The following MYO1D variants were observed in gnomAD, a reference collection of about 807,000 sequenced individuals.
MYO1D encodes myosin ID, also known as unconventional myosin-Id.
Under a neutral mutation model 122.0 loss-of-function variants are expected in MYO1D, and 83 were observed. The ratio of observed to expected loss-of-function variants is 0.68; its 90% confidence interval spans 0.57 to 0.82. The LOEUF (loss-of-function observed/expected upper bound fraction) is 0.82. Among genes scored for constraint, MYO1D ranks in the 40% least tolerant of loss-of-function variants. The pLI is 0.00. For missense variants in MYO1D, 1,157 were observed against 1,269.5 expected (o/e 0.91, Z 1.35); for synonymous variants, 464 against 446.9 (o/e 1.04, Z -0.48).
At chr17:32,799,989 G>GTA (rs1162992330) in intron 1 of MYO1D, among the ~76,000 whole-genome samples, 12 of 151,968 alleles carry the variant, frequency 7.9e-5, no homozygotes, top group African/African-American at 2.7e-4. Flanking sequence ...CCAAAATGAG[G>GTA]TATCACCTCA....
intron 1 of MYO1D, among the ~76,000 whole-genome samples, chr17:32,814,415 T>C (rs2090597234): frequency 6.6e-6 from 1 of 152,226 alleles, no homozygotes; most frequent in African/African-American, 2.4e-5. Context: ...TTTTTCCTAC[T>C]GCACTTATAA....
chr17:32,809,678 A>C (rs560226027), intron 1 of MYO1D, among the ~76,000 whole-genome samples: 36 of 152,264 alleles, frequency 2.4e-4, no homozygotes, highest in Non-Finnish European at 4.4e-4. Flanking sequence ...GCCTCAATTA[A>C]TCTGCCTGTC....
At chr17:32,552,766 G>A (rs2087029802) in intron 21 of MYO1D, among the ~76,000 whole-genome samples, 1 of 152,196 alleles carries the variant, frequency 6.6e-6, no homozygotes, top group Admixed American at 6.5e-5. Context: ...CCTTGGATGT[G>A]CATCAGGGTG....
chr17:32,823,570 C>T (rs1236410931), intron 1 of MYO1D, among the ~76,000 whole-genome samples: 4 of 151,860 alleles, frequency 2.6e-5, no homozygotes, highest in Non-Finnish European at 5.9e-5. Flanking sequence ...CATATATATC[C>T]CCAATTTGGC....
chr17:32,827,298 G>C (rs1456318734), intron 1 of MYO1D, among the ~76,000 whole-genome samples: 2 of 152,218 alleles, frequency 1.3e-5, no homozygotes, highest in Non-Finnish European at 2.9e-5. Context: ...GACTAAGTCA[G>C]TCACAAAAGG....
At chr17:32,546,921 T>C (rs2150881774) in intron 21 of MYO1D, among the ~76,000 whole-genome samples, 1 of 151,834 alleles carries the variant, frequency 6.6e-6, no homozygotes, top group South Asian at 2.1e-4. Context: ...TTTTTTTTTT[T>C]TTTTAGAGAC....
chr17:32,735,364 T>C (rs1460924863), intron 14 of MYO1D, among the ~76,000 whole-genome samples: 1 of 151,908 alleles, frequency 6.6e-6, no homozygotes, highest in Non-Finnish European at 1.5e-5. Context: ...TGTATTTTTA[T>C]TAGAGACAGG....
intron 20 of MYO1D, among the ~76,000 whole-genome samples, chr17:32,637,787 G>A (rs1325217051): frequency 1.3e-5 from 2 of 152,106 alleles, no homozygotes; most frequent in Non-Finnish European, 2.9e-5. Context: ...GGTGAGGGGT[G>A]CATAGTGAAG....
At chr17:32,632,369 C>T (rs1393332681) in intron 20 of MYO1D, 2 of 151,994 alleles carry the variant, frequency 1.3e-5, no homozygotes, top group Non-Finnish European at 2.9e-5. Context: ...TAGGAGATTT[C>T]ACATAAAATG....
chr17:32,746,755 A>G (rs2089842249), intron 12 of MYO1D, among the ~76,000 whole-genome samples: 1 of 152,218 alleles, frequency 6.6e-6, no homozygotes, highest in African/African-American at 2.4e-5. Context: ...GTGAAGAGGA[A>G]GTCTGAGGCA....
At chr17:32,630,051 G>C (rs976222511) in intron 20 of MYO1D, among the ~76,000 whole-genome samples, 5 of 152,196 alleles carry the variant, frequency 3.3e-5, no homozygotes, top group South Asian at 2.1e-4. Context: ...TCATGGACTA[G>C]AGTGAGAGAC....
At chr17:32,545,510 A>G (rs991489799) in intron 21 of MYO1D, among the ~76,000 whole-genome samples, 2 of 152,188 alleles carry the variant, frequency 1.3e-5, no homozygotes, top group African/African-American at 4.8e-5. Flanking sequence ...GTGGAATACC[A>G]TTCCACCTCT....
chr17:32,550,255 A>G (rs2087000064), intron 21 of MYO1D, among the ~76,000 whole-genome samples: 1 of 152,098 alleles, frequency 6.6e-6, no homozygotes, highest in Admixed American at 6.6e-5. Flanking sequence ...GTGCACCACC[A>G]TGGCCGGCTA....
At chr17:32,868,919 G>A (rs1014565068) in intron 1 of MYO1D, among the ~76,000 whole-genome samples, 2 of 151,976 alleles carry the variant, frequency 1.3e-5, no homozygotes, top group Non-Finnish European at 2.9e-5. Context: ...TTCTATTCAA[G>A]AGATCTTGGC....
intron 15 of MYO1D, among the ~76,000 whole-genome samples, chr17:32,718,416 G>A (rs978061003): frequency 1.7e-4 from 26 of 152,238 alleles, no homozygotes; most frequent in Admixed American, 1.5e-3. Context: ...GCCATCTTCT[G>A]GCTGGGCGTG....
At chr17:32,671,264 G>A (rs1337067799) in intron 16 of MYO1D, among the ~76,000 whole-genome samples, 1 of 152,212 alleles carries the variant, frequency 6.6e-6, no homozygotes, top group Non-Finnish European at 1.5e-5. Flanking sequence ...TTGCTTCTAT[G>A]TTGGTGCTTG....
At chr17:32,692,906 GCT>G (rs1242355785) in intron 16 of MYO1D, among the ~76,000 whole-genome samples, 1 of 152,144 alleles carries the variant, frequency 6.6e-6, no homozygotes. Flanking sequence ...ACCAAAATAT[GCT>G]CTTTTTATTT....
intron 13 of MYO1D, among the ~76,000 whole-genome samples, chr17:32,741,827 C>T (rs1055518849): frequency 6.6e-6 from 1 of 151,936 alleles, no homozygotes; most frequent in Admixed American, 6.6e-5. Context: ...TCCTGGCTAA[C>T]ACAGTGAAAC....
chr17:32,543,008 C>T (rs1186047297), intron 21 of MYO1D, among the ~76,000 whole-genome samples: 9 of 152,102 alleles, frequency 5.9e-5, no homozygotes, highest in African/African-American at 1.9e-4. Context: ...AGGTGGATCA[C>T]GAGGTCAGGA....
Sources: gnomAD v4.1 joint callset for allele counts (sites outside exome capture counted in the v4.1 genomes callset) on GRCh38, gnomAD v4.1.1 for gene constraint, MANE v1.5 for transcripts, NCBI Gene and HGNC (gene_info 2026-07-23, HGNC 2026-07-21) for gene names.